Variants in STX8 observed in about 807,000 individuals in gnomAD.
STX8 encodes the protein syntaxin 8, also known as syntaxin-8.
In STX8, 23 loss-of-function variants were observed where a neutral mutation model predicts 37.5. The observed-to-expected ratio is 0.61, with a 90% CI of 0.44 to 0.87. The LOEUF is 0.87. Ranked by LOEUF, STX8 falls within the 40% of genes least tolerant of loss-of-function variation. STX8 has a pLI of 0.00. For missense variants in STX8, 313 were observed against 284.7 expected (o/e 1.10, Z -0.71); for synonymous variants, 115 against 99.1 (o/e 1.16, Z -0.95).
chr17:9,568,121 C>A (rs989136487), intron 2 of STX8, among the ~76,000 whole-genome samples: 15 of 152,184 alleles, frequency 9.9e-5, no homozygotes, highest in African/African-American at 3.6e-4. Flanking sequence ...AGTTTACTAA[C>A]CCCTGAACTA....
intron 6 of STX8, among the ~76,000 whole-genome samples, chr17:9,379,081 C>G (rs867989829): frequency 3.3e-5 from 5 of 152,024 alleles, no homozygotes; most frequent in South Asian, 2.1e-4. Context: ...CTTTTCTCTA[C>G]TAAAAATACA....
chr17:9,254,172 G>A lies in STX8; in HGVS notation c.644-3527C>T, dbSNP rs565527815. ...CAGCAACCCTGCAGCCGCACTCTGC[G>A]CGCTGTGTTTGAGCCATCCTGGCTG... is the stretch of plus-strand genomic sequence containing the variant. On this transcript the variant is annotated intron_variant, in intron 7 of 7. Transcript: ENST00000306357. Among the ~76,000 whole-genome samples, 23 of 152,298 alleles carry A rather than the reference G, an allele frequency of 1.5e-4. 1 individual carries two copies. The South Asian group carries it at 2.3e-3, about 15-fold the overall frequency.
At chr17:9,325,776 G>T (rs770508620) in intron 7 of STX8, among the ~76,000 whole-genome samples, 1 of 152,218 alleles carries the variant, frequency 6.6e-6, no homozygotes, top group Non-Finnish European at 1.5e-5. Flanking sequence ...TTCACCATAC[G>T]GGTCTTGGCA....
At chr17:9,390,836 C>CAAAAA (rs34205577) in intron 6 of STX8, among the ~76,000 whole-genome samples, 5 of 93,486 alleles carry the variant, frequency 5.3e-5, no homozygotes, top group African/African-American at 1.3e-4. Context: ...GACTCCGTCT[C>CAAAAA]AAAAAAAAAA....
intron 6 of STX8, among the ~76,000 whole-genome samples, chr17:9,438,724 C>T (rs973269828): frequency 1.3e-5 from 2 of 151,868 alleles, no homozygotes; most frequent in Admixed American, 6.6e-5. Flanking sequence ...GTCAGGAGAT[C>T]GAGACCATCC....
intron 6 of STX8, chr17:9,470,100 G>T (rs1018168663): frequency 6.6e-6 from 1 of 151,986 alleles, no homozygotes; most frequent in Non-Finnish European, 1.5e-5. Context: ...TGTTTGAAAT[G>T]GTTAAAATAA....
At chr17:9,418,900 A>C (rs886118889) in intron 6 of STX8, among the ~76,000 whole-genome samples, 5 of 97,514 alleles carry the variant, frequency 5.1e-5, no homozygotes, top group African/African-American at 4.7e-5. Context: ...TTTTTTGCCC[A>C]CACCCCCCCC....
intron 4 of STX8, among the ~76,000 whole-genome samples, chr17:9,520,511 T>C (rs567936727): frequency 6.3e-4 from 96 of 152,348 alleles, no homozygotes; most frequent in African/African-American, 2.2e-3. Context: ...TATTTCAAGA[T>C]GAAACTTTTC....
At chr17:9,501,543 T>C (rs1904608845) in intron 5 of STX8, among the ~76,000 whole-genome samples, 1 of 151,220 alleles carries the variant, frequency 6.6e-6, no homozygotes. Context: ...ATACAAAAAT[T>C]AGCTGGGCAT....
chr17:9,402,114 ATTT>A (rs1912643015), intron 6 of STX8, among the ~76,000 whole-genome samples: 1 of 151,122 alleles, frequency 6.6e-6, no homozygotes, highest in Non-Finnish European at 1.5e-5. Context: ...TTATTTATTT[ATTT>A]ATTTATTATT....
chr17:9,498,320 A>G (rs567798719), intron 5 of STX8, among the ~76,000 whole-genome samples: 22 of 151,456 alleles, frequency 1.5e-4, no homozygotes, highest in Non-Finnish European at 2.8e-4. Flanking sequence ...AACCCAGGAG[A>G]TGGAGGTTGT....
chr17:9,346,712 A>G (rs1910545297), intron 7 of STX8, among the ~76,000 whole-genome samples: 1 of 152,254 alleles, frequency 6.6e-6, no homozygotes, highest in Non-Finnish European at 1.5e-5. Context: ...TAGAGCTTCT[A>G]ACTTGCTGAC....
rs1567803960 is a variant in STX8 at position 9,378,622 on chromosome 17, C to T, written c.573G>A (p.Glu191=). The change falls in exon 7 of 8, where the codon GAG becomes GAA. Residue 191 remains glutamate (E), a synonymous_variant. Transcript: ENST00000306357. Reference sequence around the variant, plus strand: ...CATTGCGAAGTTTTTCATCTGTGTTCTCCACTAGGTTGGCAAGGTCGTCAA... The same window carrying T: ...CATTGCGAAGTTTTTCATCTGTGTTTTCCACTAGGTTGGCAAGGTCGTCAA... ...EIIDDLANLV[E]NTDEKLRNET... is the part of the protein sequence containing the mutation. 1.2e-6 allele frequency: 2 copies of T among 1,613,770 alleles called. No homozygotes were observed. The highest frequency in any genetic ancestry group is 1.7e-6 in the Non-Finnish European group (2 of 1,179,760).
At chr17:9,529,839 C>T (rs1905742432) in intron 4 of STX8, among the ~76,000 whole-genome samples, 1 of 152,144 alleles carries the variant, frequency 6.6e-6, no homozygotes, top group African/African-American at 2.4e-5. Context: ...AAGAAAAGCA[C>T]TGTAAACAGA....
intron 6 of STX8, among the ~76,000 whole-genome samples, chr17:9,383,421 G>A (rs1224285770): frequency 6.6e-6 from 1 of 152,166 alleles, no homozygotes; most frequent in East Asian, 1.9e-4. Flanking sequence ...GAAATTCAGT[G>A]TCCATCCATG....
At position 9,575,710 on chromosome 17, in the gene STX8, A is replaced by C; in HGVS notation, c.17+82T>G. 2.0e-6 allele frequency: 3 copies of C among 1,513,146 alleles called. No homozygotes were observed. The East Asian group carries it at 7.4e-5, about 37-fold the overall frequency. 93.7% of individuals were successfully genotyped at this position (1,513,146 alleles called of 1,614,324 possible). On this transcript the variant is annotated intron_variant, in intron 1 of 7. Coordinates refer to ENST00000306357, the MANE Select transcript of STX8 (RefSeq NM_004853.3). ...TCATCCCGAAAGGCCACCAGCGGCA[A>C]TGCGAAGTGATTGCCTGCTCTCCGG...
At chr17:9,445,231 T>TA (rs1367633884) in intron 6 of STX8, among the ~76,000 whole-genome samples, 1 of 151,898 alleles carries the variant, frequency 6.6e-6, no homozygotes, top group African/African-American at 2.4e-5. Context: ...ACATAAAAAA[T>TA]GAATACCTAT....
At chr17:9,394,227 C>A (rs1401213420) in intron 6 of STX8, among the ~76,000 whole-genome samples, 1 of 152,090 alleles carries the variant, frequency 6.6e-6, no homozygotes, top group Non-Finnish European at 1.5e-5. Flanking sequence ...GTCAACCATG[C>A]TAAGCGCGGC....
intron 6 of STX8, among the ~76,000 whole-genome samples, chr17:9,459,560 G>A (rs975771910): frequency 1.3e-5 from 2 of 152,204 alleles, no homozygotes; most frequent in Non-Finnish European, 2.9e-5. Flanking sequence ...CTGTCGTCCA[G>A]GCTGGAGTGC....
Sources: gnomAD v4.1 joint callset for allele counts (sites outside exome capture counted in the v4.1 genomes callset) on GRCh38, gnomAD v4.1.1 for gene constraint, MANE v1.5 for transcripts, NCBI Gene and HGNC (gene_info 2026-07-23, HGNC 2026-07-21) for gene names.